The following MITF variants were observed in gnomAD, a reference collection of about 807,000 sequenced individuals.
The protein encoded by MITF is melanocyte inducing transcription factor.
A neutral mutation model predicts 60.5 loss-of-function variants in MITF; 17 were observed. The observed-to-expected ratio is 0.28, with a 90% CI of 0.19 to 0.42. MITF has a LOEUF of 0.42. Ranked by LOEUF, MITF falls within the 10% of genes least tolerant of loss-of-function variation. MITF has a pLI of 1.00. For synonymous variants in MITF, 260 were observed against 248.5 expected, an observed-to-expected ratio of 1.05 and a Z score of -0.43; for missense variants, 622 against 683.5, an observed-to-expected ratio of 0.91 and a Z score of 1.00.
chr3:69,876,554 G>A (rs2064359135), intron 1 of MITF, among the ~76,000 whole-genome samples: 1 of 152,146 alleles, frequency 6.6e-6, no homozygotes, highest in Non-Finnish European at 1.5e-5. Flanking sequence ...GCTGTATCAA[G>A]TGAATAGATT....
At chr3:69,748,982 A>C (rs1422411131) in intron 1 of MITF, among the ~76,000 whole-genome samples, 2 of 152,228 alleles carry the variant, frequency 1.3e-5, no homozygotes, top group Non-Finnish European at 2.9e-5. Context: ...TGGTACCTTT[A>C]CCATAAAATA....
In MITF at chr3:69,804,342, C is replaced by G. The variant is rs557564285; in HGVS notation, c.104+64641C>G. ...CTACCCCCTTTCCCCTTTACTCCCT[C>G]TCTTCTCTCCTCTCCCTTCTCCACC... On this transcript the variant is annotated intron_variant, in intron 1 of 9. Coordinates refer to ENST00000352241, the MANE Select transcript of MITF (RefSeq NM_001354604.2). Among the ~76,000 whole-genome samples the G allele has an allele frequency of 2.1e-3, 314 of 151,166 alleles. 1 individual carries two copies. Among genetic ancestry groups the G allele is most frequent in the African/African-American group, 7.2e-3 (298 of 41,170 alleles).
At chr3:69,831,056 G>A (rs1261399365) in intron 1 of MITF, among the ~76,000 whole-genome samples, 3 of 152,072 alleles carry the variant, frequency 2.0e-5, no homozygotes, top group Non-Finnish European at 4.4e-5. Flanking sequence ...TAGGGATAAC[G>A]ATACACAACC....
chr3:69,808,748 G>T (rs759851381), intron 1 of MITF, among the ~76,000 whole-genome samples: 1 of 152,082 alleles, frequency 6.6e-6, no homozygotes, highest in Non-Finnish European at 1.5e-5. Context: ...GACCTCCCTG[G>T]GAAGGGTTTA....
At position 69,967,706 on chromosome 3, in the gene MITF, G is replaced by A. The variant is rs77962238; in HGVS notation, c.*2458G>A. 0.015 allele frequency: 3,466 copies of A among 232,986 alleles called. 37 individuals carry two copies. Among genetic ancestry groups the A allele is most frequent in the Middle Eastern group, 0.037 (29 of 782 alleles). The allele number at this position is 232,986 out of a possible 1,614,324, so 14.4% of individuals were successfully genotyped here. ...CCAGGAGAATGCTGCAATCTTGGGG[G>A]TGGTTTTATTTATTTCTTTTTTGCC... On this transcript the variant is annotated 3_prime_UTR_variant, in exon 10 of 10. Coordinates refer to ENST00000352241, the MANE Select transcript of MITF (RefSeq NM_001354604.2).
chr3:69,920,417 T>A (rs777960638), intron 2 of MITF, among the ~76,000 whole-genome samples: 1 of 152,156 alleles, frequency 6.6e-6, no homozygotes, highest in Non-Finnish European at 1.5e-5. Context: ...CCTAACCATC[T>A]CCCTGTGATG....
intron 1 of MITF, among the ~76,000 whole-genome samples, chr3:69,877,027 T>C (rs2064369966): frequency 6.6e-6 from 1 of 152,236 alleles, no homozygotes; most frequent in Non-Finnish European, 1.5e-5. Context: ...TCATTTTGCA[T>C]ACTTGGATAC....
At chr3:69,884,715 T>C (rs1339327933) in intron 2 of MITF, among the ~76,000 whole-genome samples, 1 of 152,192 alleles carries the variant, frequency 6.6e-6, no homozygotes, top group Admixed American at 6.5e-5. Context: ...AGAATTGCAA[T>C]AAGTGCAAGA....
chr3:69,846,693 T>G (rs1346895977), intron 1 of MITF, among the ~76,000 whole-genome samples: 1 of 151,638 alleles, frequency 6.6e-6, no homozygotes, highest in Non-Finnish European at 1.5e-5. Flanking sequence ...GGTGTGTGCC[T>G]GTAATCCCAG....
At chr3:69,775,594 G>A (rs1323148797) in intron 1 of MITF, among the ~76,000 whole-genome samples, 1 of 152,088 alleles carries the variant, frequency 6.6e-6, no homozygotes, top group African/African-American at 2.4e-5. Context: ...TACAATATTT[G>A]CATTTTTATT....
chr3:69,917,383 T>TA, intron 2 of MITF, among the ~76,000 whole-genome samples: 1 of 150,914 alleles, frequency 6.6e-6, no homozygotes, highest in South Asian at 2.1e-4. Context: ...CTCCTTTTTT[T>TA]TTTTTTTTTT....
chr3:69,889,969 G>C (rs1334177717), intron 2 of MITF, among the ~76,000 whole-genome samples: 1 of 152,064 alleles, frequency 6.6e-6, no homozygotes, highest in Non-Finnish European at 1.5e-5. Flanking sequence ...AAAGGATTCT[G>C]CTCTACTGTT....
intron 1 of MITF, among the ~76,000 whole-genome samples, chr3:69,760,149 T>C (rs2062191534): frequency 6.6e-6 from 1 of 152,200 alleles, no homozygotes; most frequent in Admixed American, 6.5e-5. Context: ...TAAAGTTGAC[T>C]GAGGCTTCAC....
chr3:69,878,910 T>C (rs971008370), intron 1 of MITF, among the ~76,000 whole-genome samples: 1 of 152,120 alleles, frequency 6.6e-6, no homozygotes, highest in Non-Finnish European at 1.5e-5. Flanking sequence ...AGCCGCCTGA[T>C]AAAAATGCCT....
intron 9 of MITF, among the ~76,000 whole-genome samples, chr3:69,962,922 T>C (rs1204664914): frequency 6.6e-6 from 1 of 152,208 alleles, no homozygotes; most frequent in African/African-American, 2.4e-5. Context: ...CAAGATCAAG[T>C]TGTCAGCAGG....
At chr3:69,869,911 G>A (rs2064191526) in intron 1 of MITF, among the ~76,000 whole-genome samples, 1 of 151,992 alleles carries the variant, frequency 6.6e-6, no homozygotes, top group African/African-American at 2.4e-5. Context: ...TCCTTCTCCA[G>A]CTGAGGATCC....
chr3:69,882,920 A>G (rs1403987399), intron 2 of MITF, among the ~76,000 whole-genome samples: 1 of 152,180 alleles, frequency 6.6e-6, no homozygotes, highest in Non-Finnish European at 1.5e-5. Context: ...GCTTGAAAAC[A>G]TTAGTTTACA....
chr3:69,959,199 G>A, intron 8 of MITF, 74 bp from the exon 9 acceptor site: 1 of 1,545,066 alleles, frequency 6.5e-7, no homozygotes, highest in South Asian at 1.2e-5. Context: ...AAAAGAAATG[G>A]AGTGCTTTGA....
chr3:69,854,545 T>G (rs563506653), intron 1 of MITF, among the ~76,000 whole-genome samples: 1 of 152,216 alleles, frequency 6.6e-6, no homozygotes. Context: ...TTTTATTTGT[T>G]TGCTTTTTAA....
Sources: allele counts gnomAD v4.1 joint callset (sites outside exome capture counted in the v4.1 genomes callset), GRCh38; gene constraint gnomAD v4.1.1; transcripts MANE v1.5; gene names NCBI Gene and HGNC (gene_info 2026-07-23, HGNC 2026-07-21).